The following NOTCH2NLR variants were observed in gnomAD, a reference collection of about 807,000 sequenced individuals.
NOTCH2NLR encodes the protein notch 2 N-terminal like R (pseudogene).
Under a neutral mutation model 35.6 loss-of-function variants are expected in NOTCH2NLR, and 33 were observed. The observed-to-expected ratio is 0.93, with a 90% CI of 0.70 to 1.24. The LOEUF is 1.24. NOTCH2NLR is among the 50% of genes most tolerant of loss of function. The pLI is 0.00. For missense variants in NOTCH2NLR, 276 were observed against 362.2 expected, an observed-to-expected ratio of 0.76 and a Z score of 1.93; for synonymous variants, 103 against 141.0, an observed-to-expected ratio of 0.73 and a Z score of 1.91.
intron 1 of NOTCH2NLR, among the ~76,000 whole-genome samples, chr1:120,760,179 G>GTT (rs1651119216): frequency 3.6e-5 from 1 of 27,866 alleles, no homozygotes; most frequent in Non-Finnish European, 6.1e-5. Flanking sequence ...ATCTACCACA[G>GTT]CTTTTTTTTT....
At position 120,727,394 on chromosome 1, in the gene NOTCH2NLR, C is replaced by T. The variant is rs1650827202; in HGVS notation, c.73+3144C>T. ...TCATTCCAGTGTTTAACGCTTCTGA[C>T]TCAAGAATTTTAAAATTGCTAACAT... is the stretch of plus-strand genomic sequence containing the variant. On this transcript the variant is annotated intron_variant, in intron 1 of 4. Coordinates refer to ENST00000624419, the Ensembl canonical transcript of NOTCH2NLR. Among the ~76,000 whole-genome samples the T allele has an allele frequency of 1.7e-5, 2 of 116,094 alleles. 1 individual carries two copies. Among genetic ancestry groups the T allele is most frequent in the Non-Finnish European group, 3.3e-5 (2 of 60,844 alleles). The allele number at this position is 116,094 out of a possible 152,430, so 76.2% of individuals were successfully genotyped here. A position where few individuals can be genotyped will look rare whatever the true frequency, so the allele number is the denominator to read the frequency against.
At chr1:120,752,552 A>AT (rs1386751525) in intron 1 of NOTCH2NLR, among the ~76,000 whole-genome samples, 75 of 8,972 alleles carry the variant, frequency 8.4e-3, no homozygotes, top group South Asian at 9.8e-3. Flanking sequence ...ATATATATAT[A>AT]TATTTTTTTT....
intron 1 of NOTCH2NLR, 33 bp downstream of exon 1, chr1:120,724,283 C>G: frequency 1.5e-6 from 2 of 1,375,820 alleles, no homozygotes; most frequent in Non-Finnish European, 1.9e-6. Context: ...CTGTCCGCGG[C>G]GCCCGGGGCT....
At chr1:120,762,474 G>A (rs1479924392) in intron 1 of NOTCH2NLR, among the ~76,000 whole-genome samples, 1 of 109,056 alleles carries the variant, frequency 9.2e-6, no homozygotes, top group Non-Finnish European at 1.8e-5. Context: ...GCGTCTCTCT[G>A]ATCTTGCACA....
intron 2 of NOTCH2NLR, among the ~76,000 whole-genome samples, chr1:120,764,481 G>A (rs1651168206): frequency 1.1e-5 from 1 of 94,466 alleles, no homozygotes; most frequent in South Asian, 3.3e-4. Context: ...AGAGGAAGAT[G>A]TGTGCATGTG....
At chr1:120,781,644 A>G (rs1159890719) in intron 2 of NOTCH2NLR, among the ~76,000 whole-genome samples, 1 of 61,994 alleles carries the variant, frequency 1.6e-5, no homozygotes, top group Non-Finnish European at 2.8e-5. Context: ...GCTCACTGCA[A>G]CCTCCAACTT....
chr1:120,786,474 C>G (rs1242953349), intron 3 of NOTCH2NLR, among the ~76,000 whole-genome samples: 1 of 85,124 alleles, frequency 1.2e-5, no homozygotes, highest in Non-Finnish European at 2.1e-5. Context: ...ATTACTACAT[C>G]TTTGATTATA....
chr1:120,760,382 C>T (rs1471296810), intron 1 of NOTCH2NLR, among the ~76,000 whole-genome samples: 11 of 124,514 alleles, frequency 8.8e-5, no homozygotes, highest in Non-Finnish European at 1.4e-4. Context: ...ATCATCTTGG[C>T]CAGGCTGGTC....
intron 1 of NOTCH2NLR, among the ~76,000 whole-genome samples, chr1:120,737,681 T>A (rs1650920387): frequency 8.5e-6 from 1 of 118,120 alleles, no homozygotes; most frequent in East Asian, 2.0e-4. Context: ...TGCCTGTCCC[T>A]TTGGACTTCT....
rs1651113549 is a variant in NOTCH2NLR at position 120,759,748 on chromosome 1, C to G, written c.74-3880C>G. Among the ~76,000 whole-genome samples the G allele has an allele frequency of 4.4e-5, 5 of 113,922 alleles. 2 individuals carry two copies. Among genetic ancestry groups the G allele is most frequent in the Admixed American group, 1.7e-4 (2 of 11,820 alleles). The allele number at this position is 113,922 out of a possible 152,430, so 74.7% of individuals were successfully genotyped here. ...TATAGTTGTATACATTTATAGGGTA[C>G]AAAGTGATGTTATAATTTGCTAATA... On this transcript the variant is annotated intron_variant, in intron 1 of 4. Transcript: ENST00000624419.
chr1:120,780,148 A>C (rs1197194440), intron 2 of NOTCH2NLR, among the ~76,000 whole-genome samples: 1 of 116,650 alleles, frequency 8.6e-6, no homozygotes, highest in East Asian at 2.1e-4. Context: ...TTAGGTACTC[A>C]GGTATTCAGG....
chr1:120,781,698 G>A, intron 2 of NOTCH2NLR, among the ~76,000 whole-genome samples: 1 of 81,320 alleles, frequency 1.2e-5, no homozygotes, highest in Non-Finnish European at 2.2e-5. Flanking sequence ...CGAGTAGCTG[G>A]GACTACAGGC....
chr1:120,763,929 G>T (rs1202025311), intron 2 of NOTCH2NLR, among the ~76,000 whole-genome samples: 1 of 107,654 alleles, frequency 9.3e-6, no homozygotes, highest in Non-Finnish European at 1.7e-5. Context: ...CTATGAAAAA[G>T]ACTTTTCAGT....
At position 120,754,317 on chromosome 1, in the gene NOTCH2NLR, C is replaced by T. The variant is rs1651056815; in HGVS notation, c.74-9311C>T. On this transcript the variant is annotated intron_variant, in intron 1 of 4. Coordinates refer to ENST00000624419, the Ensembl canonical transcript of NOTCH2NLR. ...AGATAGTGGAACAGAACAGATAATA[C>T]AAGATGTAAGACAAGACATGGAATA... 1.5e-4 allele frequency among the ~76,000 whole-genome samples: 5 copies of T among 34,160 alleles called. 2 individuals are homozygous for T. The South Asian group carries it at 2.4e-3, about 17-fold the overall frequency. 22.4% of individuals were successfully genotyped at this position (34,160 alleles called of 152,430 possible). A position where few individuals can be genotyped will look rare whatever the true frequency, so the allele number is the denominator to read the frequency against.
At chr1:120,752,587 T>TTC (rs1651036693) in intron 1 of NOTCH2NLR, among the ~76,000 whole-genome samples, 3 of 40,234 alleles carry the variant, frequency 7.5e-5, no homozygotes, top group African/African-American at 2.6e-4. Flanking sequence ...TTTTTTTTTT[T>TTC]TCAGGCAGAG....
At chr1:120,724,681 C>T (rs1419288284) in intron 1 of NOTCH2NLR, among the ~76,000 whole-genome samples, 1 of 124,458 alleles carries the variant, frequency 8.0e-6, no homozygotes, top group East Asian at 2.0e-4. Context: ...GGCAGGGCCG[C>T]CAAGCCAAAC....
At position 120,760,926 on chromosome 1, in the gene NOTCH2NLR, G is replaced by A. The variant is rs1329454312; in HGVS notation, c.74-2702G>A. Among the ~76,000 whole-genome samples, 8 of 113,222 alleles carry A rather than the reference G, an allele frequency of 7.1e-5. 1 individual carries two copies. The East Asian group carries it at 1.2e-3, about 17-fold the overall frequency. The allele number at this position is 113,222 out of a possible 152,430, so 74.3% of individuals were successfully genotyped here. On this transcript the variant is annotated intron_variant, in intron 1 of 4. Transcript: ENST00000624419. ...CTGCGGACTTAGTCAGAAATTGTGG[G>A]GGTCGAGTCTAACACTCTTTTTTAA...
At position 120,785,173 on chromosome 1, in the gene NOTCH2NLR, G is replaced by A. The variant is rs1484456693; in HGVS notation, c.355G>A (p.Gly119Ser). ...TGTGTCTCGACCTTGCCTGAATGGC[G>A]GCACATGCCATATGCTCAGCCGGGA... Residue 119 changes from glycine (G) to serine (S), a missense_variant, in exon 3 of 5, where the codon GGC becomes AGC. Coordinates refer to ENST00000624419, the Ensembl canonical transcript of NOTCH2NLR. 32 of 1,445,464 alleles carry A rather than the reference G, an allele frequency of 2.2e-5. 5 individuals carry two copies. Among genetic ancestry groups the A allele is most frequent in the Non-Finnish European group, 2.7e-5 (29 of 1,081,656 alleles). The allele number at this position is 1,445,464 out of a possible 1,614,324, so 89.5% of individuals were successfully genotyped here.
chr1:120,765,174 A>T (rs1435266970), intron 2 of NOTCH2NLR, among the ~76,000 whole-genome samples: 1 of 121,350 alleles, frequency 8.2e-6, no homozygotes, highest in Non-Finnish European at 1.6e-5. Context: ...GGAAAAAAAA[A>T]ACATGTGGTG....
Sources: gnomAD v4.1 joint callset for allele counts (sites outside exome capture counted in the v4.1 genomes callset) on GRCh38, gnomAD v4.1.1 for gene constraint, MANE v1.5 for transcripts, NCBI Gene and HGNC (gene_info 2026-07-23, HGNC 2026-07-21) for gene names.